The following CERK variants were observed in gnomAD, a reference collection of about 807,000 sequenced individuals.
The protein encoded by CERK is acylsphingosine kinase.
A neutral mutation model predicts 63.4 loss-of-function variants in CERK; 39 were observed. The observed-to-expected ratio is 0.61, with a 90% CI of 0.48 to 0.80. The LOEUF (loss-of-function observed/expected upper bound fraction) is 0.80, where lower values mean the gene tolerates loss of function less well. Ranked by LOEUF, CERK falls within the 30% of genes least tolerant of loss-of-function variation. The pLI, the probability that CERK is intolerant of heterozygous loss-of-function variation, is 0.00. For missense variants in CERK, 670 were observed against 714.1 expected (o/e 0.94, Z 0.70); for synonymous variants, 302 against 280.0 (o/e 1.08, Z -0.78).
intron 3 of CERK, among the ~76,000 whole-genome samples, chr22:46,719,078 G>C (rs1412318370): frequency 1.3e-5 from 2 of 151,994 alleles, no homozygotes; most frequent in Admixed American, 1.3e-4. Flanking sequence ...AAAAAAAATT[G>C]CCTATTAAGG....
In CERK at chr22:46,700,428, T is replaced by C. The variant is rs575782261; in HGVS notation, c.791-963A>G. ...TAAAGTAAAATAGAATAAAATAAAA[T>C]GCAAAATCAGAAGTAGGCCGGGCAC... is the stretch of plus-strand genomic sequence containing the variant. On this transcript the variant is annotated intron_variant, in intron 7 of 12. Transcript: ENST00000216264. Among the ~76,000 whole-genome samples, 56 of 151,404 alleles carry C rather than the reference T, an allele frequency of 3.7e-4. 2 individuals carry two copies. In the South Asian group the frequency reaches 9.4e-3, roughly 25 times the overall value.
At chr22:46,727,824 C>G (rs960285844) in intron 1 of CERK, among the ~76,000 whole-genome samples, 1 of 83,452 alleles carries the variant, frequency 1.2e-5, no homozygotes, top group African/African-American at 3.0e-5. Context: ...ACTCCCCTGG[C>G]CCAGCCACCC....
rs890394459 is a variant in CERK at position 46,699,602 on chromosome 22, A to G, written c.791-137T>C. The G allele has an allele frequency of 8.3e-5, 61 of 732,872 alleles. No homozygotes were observed. The African/African-American group carries it at 8.8e-4, about 11-fold the overall frequency. The allele number at this position is 732,872 out of a possible 1,614,324, so 45.4% of individuals were successfully genotyped here. A position where few individuals can be genotyped will look rare whatever the true frequency, so the allele number is the denominator to read the frequency against. ...GAAACAAACAGAACGCATTCAGTGC[A>G]AGGATTCTCTCTCTTGGGGTGTTGG... On this transcript the variant is annotated intron_variant, in intron 7 of 12. Coordinates refer to ENST00000216264, the MANE Select transcript of CERK (RefSeq NM_022766.6).
At chr22:46,717,413 G>A (rs1025784716) in intron 3 of CERK, among the ~76,000 whole-genome samples, 5 of 152,226 alleles carry the variant, frequency 3.3e-5, no homozygotes, top group Non-Finnish European at 5.9e-5. Context: ...ATAAATGGCC[G>A]TAACATTCAC....
At chr22:46,724,990 C>T (rs1032258896) in intron 1 of CERK, among the ~76,000 whole-genome samples, 1 of 151,872 alleles carries the variant, frequency 6.6e-6, no homozygotes, top group Admixed American at 6.6e-5. Context: ...CACTGCACTC[C>T]AGCCTGGGCG....
intron 6 of CERK, among the ~76,000 whole-genome samples, chr22:46,701,943 G>T (rs1263246851): frequency 6.6e-6 from 1 of 152,140 alleles, no homozygotes; most frequent in African/African-American, 2.4e-5. Flanking sequence ...CACTTTGAGA[G>T]GCCGAGGTGG....
At chr22:46,707,554 G>A (rs565786794) in intron 6 of CERK, among the ~76,000 whole-genome samples, 12 of 152,222 alleles carry the variant, frequency 7.9e-5, no homozygotes, top group African/African-American at 2.4e-4. Flanking sequence ...ACCTGCTCCC[G>A]GGCACCGGGG....
intron 1 of CERK, among the ~76,000 whole-genome samples, chr22:46,733,161 T>G (rs2082954178): frequency 8.0e-6 from 1 of 124,242 alleles, no homozygotes; most frequent in African/African-American, 3.2e-5. Context: ...TGAGCTGAGA[T>G]CACGCCACTG....
In CERK at chr22:46,693,411, G is replaced by A. The variant is rs753579788; in HGVS notation, c.1126+16C>T. On this transcript the variant is annotated intron_variant, in intron 10 of 12. Transcript: ENST00000216264. Reference sequence around the variant, plus strand: ...CACACACAGTGACAACACTGAGCCTGTGTTTTAGGAATTACCCGCAGCTTC... The same window carrying A: ...CACACACAGTGACAACACTGAGCCTATGTTTTAGGAATTACCCGCAGCTTC... 1.9e-6 allele frequency: 3 copies of A among 1,611,012 alleles called. No individual in the cohort carries two copies. Among genetic ancestry groups the A allele is most frequent in the East Asian group, 2.2e-5 (1 of 44,860 alleles).
At position 46,723,367 on chromosome 22, in the gene CERK, C is replaced by T. The variant is rs189569123; in HGVS notation, c.143-2352G>A. Among the ~76,000 whole-genome samples the T allele has an allele frequency of 2.4e-4, 37 of 152,272 alleles. No homozygotes were observed. In the East Asian group the frequency reaches 7.2e-3, roughly 30 times the overall value. On this transcript the variant is annotated intron_variant, in intron 1 of 12. Coordinates refer to ENST00000216264, the MANE Select transcript of CERK (RefSeq NM_022766.6). ...GACACAGTGGCTCACGCCTGTAATC[C>T]CAGCACTTTGGGAGGCCGAGGCAGG...
chr22:46,717,375 A>G (rs2146576713), intron 3 of CERK, among the ~76,000 whole-genome samples: 1 of 152,388 alleles, frequency 6.6e-6, no homozygotes, highest in East Asian at 1.9e-4. Flanking sequence ...GAAGCTGTCC[A>G]AATGACCAGC....
chr22:46,702,223 A>ATGTGTGTG (rs34222392), intron 6 of CERK, among the ~76,000 whole-genome samples: 1,374 of 84,720 alleles, frequency 0.016, 16 homozygotes, highest in Middle Eastern at 0.037. Context: ...AAATATATAT[A>ATGTGTGTG]TGTGTGTGTG....
intron 6 of CERK, 24 bp downstream of exon 6, chr22:46,707,819 G>C (rs2082820581): frequency 1.9e-6 from 3 of 1,592,712 alleles, no homozygotes; most frequent in African/African-American, 1.3e-5. Flanking sequence ...GAAGAGAACA[G>C]AGAATGCCAG....
chr22:46,695,430 C>T lies in CERK; in HGVS notation c.944-115G>A, dbSNP rs16995581. 2.5e-5 allele frequency: 18 copies of T among 729,304 alleles called. No individual in the cohort carries two copies. In the East Asian group the frequency reaches 4.1e-4, roughly 17 times the overall value. 45.2% of individuals were successfully genotyped at this position (729,304 alleles called of 1,614,324 possible). ...AGCGCGCATCTGCCTAAACCGTCTGCAGGAGGGAGAGGCCGGGCCTGCTTC... is the reference window on the plus strand; with the variant it reads ...AGCGCGCATCTGCCTAAACCGTCTGTAGGAGGGAGAGGCCGGGCCTGCTTC... On this transcript the variant is annotated intron_variant, in intron 8 of 12. Coordinates refer to ENST00000216264, the MANE Select transcript of CERK (RefSeq NM_022766.6).
At chr22:46,707,809 G>A (rs190992419) in intron 6 of CERK, 34 bp downstream of exon 6, 39 of 1,581,442 alleles carry the variant, frequency 2.5e-5, no homozygotes, top group Non-Finnish European at 2.9e-5. Flanking sequence ...GGACGGGAAC[G>A]AAGAGAACAG....
At chr22:46,716,986 A>G (rs2082869925) in intron 3 of CERK, among the ~76,000 whole-genome samples, 1 of 152,086 alleles carries the variant, frequency 6.6e-6, no homozygotes, top group Non-Finnish European at 1.5e-5. Flanking sequence ...GAAGAGAAAG[A>G]TAACAACCAA....
intron 12 of CERK, among the ~76,000 whole-genome samples, chr22:46,687,978 CCT>C (rs770199068): frequency 1.4e-4 from 22 of 152,184 alleles, no homozygotes; most frequent in Non-Finnish European, 2.5e-4. Context: ...GGGCGGATCA[CCT>C]GAGGTCAGGA....
chr22:46,692,687 C>T (rs1288494272), intron 10 of CERK, among the ~76,000 whole-genome samples: 2 of 151,644 alleles, frequency 1.3e-5, no homozygotes, highest in African/African-American at 4.8e-5. Flanking sequence ...GTCAGATCAC[C>T]TGAGGTCAGG....
chr22:46,699,115 T>C (rs1420352068), intron 8 of CERK, among the ~76,000 whole-genome samples, 198 bp downstream of exon 8: 1 of 151,970 alleles, frequency 6.6e-6, no homozygotes, highest in Non-Finnish European at 1.5e-5. Flanking sequence ...GGGCAGGATC[T>C]GGTTTAGAGC....
Sources: gnomAD v4.1 joint callset for allele counts (sites outside exome capture counted in the v4.1 genomes callset) on GRCh38, gnomAD v4.1.1 for gene constraint, MANE v1.5 for transcripts, NCBI Gene and HGNC (gene_info 2026-07-23, HGNC 2026-07-21) for gene names.